PCDHA2: variants seen among roughly 807,000 people sequenced by gnomAD.
PCDHA2 encodes protocadherin alpha-2.
Under a neutral mutation model 66.0 loss-of-function variants are expected in PCDHA2, and 58 were observed. The observed-to-expected ratio is 0.88, with a 90% CI of 0.71 to 1.09. The LOEUF is 1.09. Ranked by LOEUF, PCDHA2 falls within the 50% of genes least tolerant of loss-of-function variation. The pLI is 0.00. For missense variants in PCDHA2, 1,267 were observed against 1,242.3 expected, an observed-to-expected ratio of 1.02 and a Z score of -0.30; for synonymous variants, 634 against 554.0, an observed-to-expected ratio of 1.14 and a Z score of -2.03.
chr5:140,856,108 C>A, intron 1 of PCDHA2: 1 of 1,598,026 alleles, frequency 6.3e-7, no homozygotes, highest in African/African-American at 1.3e-5. Context: ...TTCTTCTCCT[C>A]GCAGCCTGGG....
At chr5:140,823,503 G>A in intron 1 of PCDHA2, 1 of 1,613,406 alleles carries the variant, frequency 6.2e-7, no homozygotes, top group South Asian at 1.1e-5. Flanking sequence ...GCGGCGCAGT[G>A]AGCGAGCTGG....
chr5:141,008,359 G>A (rs1369587129), intron 3 of PCDHA2, among the ~76,000 whole-genome samples: 1 of 152,150 alleles, frequency 6.6e-6, no homozygotes, highest in Non-Finnish European at 1.5e-5. Flanking sequence ...GTCAACCAAA[G>A]GAGCAGTGTT....
chr5:140,870,358 G>C lies in PCDHA2; in HGVS notation c.2388+73006G>C, dbSNP rs201159213. The C allele has an allele frequency of 1.2e-5, 20 of 1,614,216 alleles. No homozygotes were observed. The Admixed American group carries it at 3.3e-4, about 27-fold the overall frequency. ...CGCCCTGGACCGCGAGAACGTGTGG[G>C]CCTATGAACTGGTGGTGACTGCGCG... On this transcript the variant is annotated intron_variant, in intron 1 of 3. Transcript: ENST00000526136.
chr5:141,000,395 C>CTCTCTATA (rs1213762225), intron 3 of PCDHA2, among the ~76,000 whole-genome samples: 1 of 53,986 alleles, frequency 1.9e-5, no homozygotes, highest in Non-Finnish European at 3.2e-5. Flanking sequence ...CTCTCTCTCT[C>CTCTCTATA]TATATATATA....
At chr5:140,975,486 A>G (rs1260336572) in intron 1 of PCDHA2, among the ~76,000 whole-genome samples, 4 of 152,228 alleles carry the variant, frequency 2.6e-5, no homozygotes, top group African/African-American at 4.8e-5. Flanking sequence ...GTTTATATCA[A>G]TGTTCATAAA....
intron 1 of PCDHA2, chr5:140,834,860 T>C: frequency 6.2e-7 from 1 of 1,610,304 alleles, no homozygotes; most frequent in Non-Finnish European, 8.5e-7. Flanking sequence ...GCGCGTCCGA[T>C]GCAGATATCG....
Position 140,857,899 on chromosome 5 carries a change from A to G in PCDHA2, c.2388+60547A>G. On this transcript the variant is annotated intron_variant, in intron 1 of 3. Transcript: ENST00000526136. ...AATTGCAGTCGGCGGCGGTTGGTGC[A>G]CGCATCCCGTTTCGCGTGGGGCTGT... 7 of 1,597,716 alleles carry G rather than the reference A, an allele frequency of 4.4e-6. 1 individual carries two copies. The highest frequency in any genetic ancestry group is 6.0e-6 in the Non-Finnish European group (7 of 1,167,490).
intron 1 of PCDHA2, among the ~76,000 whole-genome samples, chr5:140,820,991 T>C (rs1172948656): frequency 6.6e-5 from 10 of 152,194 alleles, no homozygotes; most frequent in African/African-American, 2.4e-4. Context: ...GTGTTATAGA[T>C]AAAGAAATAG....
intron 1 of PCDHA2, chr5:140,824,781 C>T (rs140660450): frequency 8.6e-5 from 13 of 151,794 alleles, no homozygotes; most frequent in Admixed American, 5.2e-4. Flanking sequence ...TTTAACACCA[C>T]CCTTCCAATT....
In PCDHA2 at chr5:140,796,832, G is replaced by T; in HGVS notation, c.1868G>T (p.Arg623Leu). 5 of 1,614,116 alleles carry T rather than the reference G, an allele frequency of 3.1e-6. No homozygotes were observed. The highest frequency in any genetic ancestry group is 4.2e-6 in the Non-Finnish European group (5 of 1,179,982). ...ACTGGCAGCGCTCGCATCCCGTTCC[G>T]CGTGGGGCTATACACGGGTGAGATC... ...LGTGSARIPF[R>L]VGLYTGEIST... The change falls in exon 1 of 4, where the codon CGC becomes CTC. Residue 623 changes from arginine to leucine, a missense_variant. Arg to Leu is a moderately radical substitution (Grantham distance 102). Transcript: ENST00000526136.
intron 1 of PCDHA2, chr5:140,927,060 CT>C: frequency 1.2e-6 from 2 of 1,611,446 alleles, no homozygotes; most frequent in Non-Finnish European, 1.7e-6. Context: ...GGAACTTTCG[CT>C]TCCTTTCCAG....
At chr5:140,809,046 T>A in intron 1 of PCDHA2, 1 of 1,613,828 alleles carries the variant, frequency 6.2e-7, no homozygotes, top group Non-Finnish European at 8.5e-7. Flanking sequence ...GGCGCGCGCA[T>A]CCCGTTCCGC....
intron 1 of PCDHA2, among the ~76,000 whole-genome samples, chr5:140,941,192 TTTCTTTCTTCCTTTCTTTCTTCC>T (rs2153649449): frequency 1.0e-5 from 1 of 99,660 alleles, no homozygotes; most frequent in African/African-American, 4.0e-5. Flanking sequence ...CTTCTTTTTT[TTTCTTTCTTCCTTTCTTTCTTCC>T]TTTCTTTCTT....
In PCDHA2 at chr5:140,796,364, A is replaced by G; in HGVS notation, c.1400A>G (p.Asn467Ser). 6.2e-7 allele frequency: 1 copy of G among 1,612,896 alleles called. No homozygotes were observed. The highest frequency in any genetic ancestry group is 1.1e-5 in the South Asian group (1 of 90,984). ...GAGTACACAGTATTCGTGAAGGAGA[A>G]CAACCCGCCGGGCTGCCACATCTTC... ...QPEYTVFVKE[N>S]NPPGCHIFTV... Residue 467 changes from asparagine (N) to serine (S), a missense_variant, in exon 1 of 4, where the codon AAC becomes AGC. Asn to Ser is a conservative substitution (Grantham distance 46, BLOSUM62 1). Coordinates refer to ENST00000526136, the MANE Select transcript of PCDHA2 (RefSeq NM_018905.3).
chr5:140,928,081 C>T (rs782268064), intron 1 of PCDHA2: 1 of 1,614,090 alleles, frequency 6.2e-7, no homozygotes, highest in Non-Finnish European at 8.5e-7. Context: ...CTACTACAGC[C>T]TGCTGATTGA....
At chr5:140,866,804 C>A (rs1157058668) in intron 1 of PCDHA2, 3 of 152,118 alleles carry the variant, frequency 2.0e-5, no homozygotes, top group Non-Finnish European at 4.4e-5. Flanking sequence ...AAGTCAGGCA[C>A]AAAGTTCCTT....
At chr5:140,803,116 T>C in intron 1 of PCDHA2, 1 of 1,613,802 alleles carries the variant, frequency 6.2e-7, no homozygotes, top group Non-Finnish European at 8.5e-7. Flanking sequence ...CTGGACGAGG[T>C]GGACGCCCCG....
chr5:140,997,349 G>A (rs954510019), intron 3 of PCDHA2, among the ~76,000 whole-genome samples: 3 of 152,256 alleles, frequency 2.0e-5, no homozygotes, highest in South Asian at 2.1e-4. Context: ...ATCATAGAAT[G>A]TACTTACATA....
chr5:140,846,669 C>T (rs894601442), intron 1 of PCDHA2, among the ~76,000 whole-genome samples: 2 of 149,244 alleles, frequency 1.3e-5, no homozygotes, highest in Non-Finnish European at 3.0e-5. Flanking sequence ...CCACCGCGCC[C>T]AGCCTAAAAT....
Sources: gnomAD v4.1 joint callset for allele counts (sites outside exome capture counted in the v4.1 genomes callset) on GRCh38, gnomAD v4.1.1 for gene constraint, MANE v1.5 for transcripts, NCBI Gene and HGNC (gene_info 2026-07-23, HGNC 2026-07-21) for gene names.